DIO1: variants seen among roughly 807,000 people sequenced by gnomAD.
DIO1 encodes the protein type I iodothyronine deiodinase.
DIO1 carries 17 observed loss-of-function variants against 25.9 expected under a neutral mutation model. The ratio of observed to expected loss-of-function variants is 0.66; its 90% CI spans 0.45 to 0.98. The LOEUF (loss-of-function observed/expected upper bound fraction) is 0.98. Among genes scored for constraint, DIO1 ranks in the 50% least tolerant of loss-of-function variants. The pLI is 0.00. For missense variants in DIO1, 270 were observed against 310.4 expected, an observed-to-expected ratio of 0.87 and a Z score of 0.98; for synonymous variants, 115 against 114.0, an observed-to-expected ratio of 1.01 and a Z score of -0.05.
chr1:53,908,865 G>A (rs1651792530), intron 3 of DIO1, among the ~76,000 whole-genome samples: 1 of 152,136 alleles, frequency 6.6e-6, no homozygotes, highest in African/African-American at 2.4e-5. Context: ...GCTGAGCCGG[G>A]CAGATCACCT....
chr1:53,910,003 G>A lies in DIO1; in HGVS notation c.*4G>A. ...TCTGGAAAAGCTCCACAGTTAATCT[G>A]GACAGATACCTCAATTCTAGGTGAC... On this transcript the variant is annotated 3_prime_UTR_variant, in exon 4 of 4. Transcript: ENST00000361921. 6.2e-7 allele frequency: 1 copy of A among 1,613,652 alleles called. No individual in the cohort carries two copies. The highest frequency in any genetic ancestry group is 1.1e-5 in the South Asian group (1 of 91,066).
intron 1 of DIO1, among the ~76,000 whole-genome samples, chr1:53,900,149 C>A (rs553474042): frequency 6.6e-6 from 1 of 152,316 alleles, no homozygotes; most frequent in African/African-American, 2.4e-5. Flanking sequence ...CTCTCATATG[C>A]TAAAAATTGA....
rs539011688 is a variant in DIO1 at position 53,904,544 on chromosome 1, C to T, written c.338-122C>T. 57 of 1,247,078 alleles carry T rather than the reference C, an allele frequency of 4.6e-5. 1 individual carries two copies. The African/African-American group carries it at 7.5e-4, about 16-fold the overall frequency. The allele number at this position is 1,247,078 out of a possible 1,614,324, so 77.3% of individuals were successfully genotyped here. A position where few individuals can be genotyped will look rare whatever the true frequency, so the allele number is the denominator to read the frequency against. On this transcript the variant is annotated intron_variant, in intron 1 of 3. Transcript: ENST00000361921. ...GTGTCGGACCCCAGTGCCTAGGACC[C>T]ATCCTGGGGTGGGGGGTAGGGGGAA...
chr1:53,904,667 T>C lies in DIO1; in HGVS notation c.339T>C (p.Gly113=), dbSNP rs746028830. Residue 113 remains glycine (G), a splice_region_variant and synonymous_variant, in exon 2 of 4, where the codon GGT becomes GGC. Transcript: ENST00000361921. The part of the protein sequence containing the change: ...QRCNIWEFMQ[G]NRPLVLNFGS... ...TTGTGATGGTTGTTGCTGTTTCAGG[T>C]AATAGGCCACTGGTGCTGAATTTTG... is the stretch of plus-strand genomic sequence containing the variant. The C allele has an allele frequency of 7.4e-6, 12 of 1,613,116 alleles. No homozygotes were observed. The highest frequency in any genetic ancestry group is 1.3e-5 in the African/African-American group (1 of 74,876).
chr1:53,902,842 G>A (rs914938904), intron 1 of DIO1, among the ~76,000 whole-genome samples: 2 of 151,876 alleles, frequency 1.3e-5, no homozygotes, highest in African/African-American at 4.9e-5. Flanking sequence ...TTGAATTTTT[G>A]TTGCTGTTGT....
chr1:53,904,949 C>T, intron 2 of DIO1, 140 bp downstream of exon 2: 2 of 884,380 alleles, frequency 2.3e-6, no homozygotes, highest in African/African-American at 1.7e-5. Flanking sequence ...ACTGAGCACC[C>T]ACCACTCCCA....
intron 2 of DIO1, among the ~76,000 whole-genome samples, 172 bp from the exon 3 acceptor site, chr1:53,905,923 G>T (rs1651631428): frequency 6.6e-6 from 1 of 152,212 alleles, no homozygotes; most frequent in African/African-American, 2.4e-5. Context: ...TTCAGTTCTG[G>T]ATCAATCACT....
At chr1:53,909,897 C>G (rs2235544) in intron 3 of DIO1, 34 bp from the exon 4 acceptor site, 1 of 1,607,876 alleles carries the variant, frequency 6.2e-7, no homozygotes, top group Non-Finnish European at 8.5e-7. Flanking sequence ...GAAATCCTTA[C>G]AAGTTGGGAA....
At chr1:53,899,622 A>T (rs1363407669) in intron 1 of DIO1, among the ~76,000 whole-genome samples, 1 of 152,260 alleles carries the variant, frequency 6.6e-6, no homozygotes, top group Non-Finnish European at 1.5e-5. Flanking sequence ...ATTAAAAACA[A>T]AATTTCATAC....
intron 3 of DIO1, among the ~76,000 whole-genome samples, chr1:53,909,124 C>T (rs1030687905): frequency 1.4e-5 from 2 of 145,702 alleles, no homozygotes; most frequent in East Asian, 4.1e-4. Context: ...AGAAAGTTCA[C>T]TGGTTCCATG....
At chr1:53,904,582 G>C in intron 1 of DIO1, 84 bp from the exon 2 acceptor site, 9 of 1,524,198 alleles carry the variant, frequency 5.9e-6, no homozygotes, top group Non-Finnish European at 8.0e-6. Context: ...AAAAATAACA[G>C]AATTGAACAT....
At chr1:53,898,638 G>T (rs989154116) in intron 1 of DIO1, among the ~76,000 whole-genome samples, 1 of 151,820 alleles carries the variant, frequency 6.6e-6, no homozygotes, top group Non-Finnish European at 1.5e-5. Flanking sequence ...CCAGCTCCTT[G>T]GGAGGCTGAG....
chr1:53,900,446 A>G (rs907100765), intron 1 of DIO1, among the ~76,000 whole-genome samples: 2 of 152,168 alleles, frequency 1.3e-5, no homozygotes, highest in Non-Finnish European at 2.9e-5. Context: ...TCTACTAAAA[A>G]TACAAAAATT....
chr1:53,903,342 C>G (rs1347953373), intron 1 of DIO1: 1 of 152,134 alleles, frequency 6.6e-6, no homozygotes, highest in Non-Finnish European at 1.5e-5. Context: ...GGGGCCATGT[C>G]TGGCTCAACT....
intron 1 of DIO1, among the ~76,000 whole-genome samples, chr1:53,895,242 A>C (rs970991780): frequency 2.6e-5 from 4 of 152,118 alleles, no homozygotes; most frequent in African/African-American, 9.7e-5. Context: ...GGCCAACATG[A>C]TGAAACCCCG....
intron 1 of DIO1, among the ~76,000 whole-genome samples, chr1:53,901,333 T>C (rs1168645386): frequency 6.6e-6 from 1 of 152,132 alleles, no homozygotes; most frequent in African/African-American, 2.4e-5. Flanking sequence ...CACACACATA[T>C]GTACATAAAG....
intron 1 of DIO1, among the ~76,000 whole-genome samples, chr1:53,900,644 T>G (rs931545007): frequency 6.6e-6 from 1 of 152,072 alleles, no homozygotes; most frequent in African/African-American, 2.4e-5. Context: ...TGTGTTAGTA[T>G]AGGTGTAAGG....
At chr1:53,908,863 G>C (rs542326604) in intron 3 of DIO1, among the ~76,000 whole-genome samples, 1 of 152,056 alleles carries the variant, frequency 6.6e-6, no homozygotes, top group African/African-American at 2.4e-5. Flanking sequence ...AGGCTGAGCC[G>C]GGCAGATCAC....
At chr1:53,906,943 C>T (rs1180222620) in intron 3 of DIO1, among the ~76,000 whole-genome samples, 1 of 152,174 alleles carries the variant, frequency 6.6e-6, no homozygotes, top group Non-Finnish European at 1.5e-5. Context: ...CGTGAGCCAC[C>T]GTGCCCGGTC....
Sources: allele counts gnomAD v4.1 joint callset (sites outside exome capture counted in the v4.1 genomes callset), GRCh38; gene constraint gnomAD v4.1.1; transcripts MANE v1.5; gene names NCBI Gene and HGNC (gene_info 2026-07-23, HGNC 2026-07-21).